The following HECW1 variants were observed in gnomAD, a reference collection of about 807,000 sequenced individuals.
HECW1 encodes E3 ubiquitin-protein ligase HECW1.
In HECW1, 61 loss-of-function variants were observed where a neutral mutation model predicts 182.3. The observed-to-expected ratio is 0.33, with a 90% CI of 0.27 to 0.41. HECW1 has a LOEUF of 0.41. Ranked by LOEUF, HECW1 falls within the 10% of genes least tolerant of loss-of-function variation. The pLI is 1.00. For missense variants in HECW1, 1,739 were observed against 2,108.9 expected (o/e 0.82, Z 3.44); for synonymous variants, 859 against 832.6 (o/e 1.03, Z -0.55).
intron 8 of HECW1, among the ~76,000 whole-genome samples, chr7:43,430,030 C>A (rs186683303): frequency 4.0e-4 from 61 of 152,330 alleles, no homozygotes; most frequent in African/African-American, 1.4e-3. Flanking sequence ...CTTAACACAA[C>A]CCAAATCAAA....
chr7:43,332,444 A>G (rs1224603045), intron 5 of HECW1, among the ~76,000 whole-genome samples: 1 of 152,196 alleles, frequency 6.6e-6, no homozygotes, highest in Non-Finnish European at 1.5e-5. Flanking sequence ...CTTGCTCTAA[A>G]GGCCTGTTGC....
At chr7:43,490,148 G>C (rs2078874627) in intron 17 of HECW1, among the ~76,000 whole-genome samples, 1 of 152,270 alleles carries the variant, frequency 6.6e-6, no homozygotes, top group East Asian at 1.9e-4. Context: ...AGCCTAATTT[G>C]GGAGTATACT....
intron 4 of HECW1, among the ~76,000 whole-genome samples, chr7:43,318,244 G>T (rs1244277067): frequency 6.6e-6 from 1 of 152,176 alleles, no homozygotes; most frequent in Non-Finnish European, 1.5e-5. Flanking sequence ...CTATAATGAG[G>T]CAAATTTCTA....
chr7:43,395,839 T>G (rs56714559), intron 6 of HECW1, among the ~76,000 whole-genome samples: 2,212 of 152,312 alleles, frequency 0.015, 47 homozygotes, highest in African/African-American at 0.049. Flanking sequence ...TCAGGCAGGT[T>G]GATGTGAATA....
chr7:43,200,250 C>T (rs1476284920), intron 2 of HECW1, among the ~76,000 whole-genome samples: 1 of 152,104 alleles, frequency 6.6e-6, no homozygotes, highest in Admixed American at 6.5e-5. Flanking sequence ...TTAGAGGTAC[C>T]TTCTATAATT....
At chr7:43,344,491 A>G (rs1000633222) in intron 5 of HECW1, among the ~76,000 whole-genome samples, 4 of 149,448 alleles carry the variant, frequency 2.7e-5, no homozygotes, top group Non-Finnish European at 5.9e-5. Flanking sequence ...TTTTTCCTTC[A>G]TTGGATGATG....
intron 2 of HECW1, among the ~76,000 whole-genome samples, chr7:43,237,831 TTCC>T (rs1182872080): frequency 2.9e-5 from 4 of 139,710 alleles, no homozygotes; most frequent in South Asian, 4.4e-4. Context: ...TCACCAGTCT[TTCC>T]CCCCCGCCGC....
chr7:43,488,462 AAGAAAGAAAGAAAGAAAG>A (rs2078785999), intron 17 of HECW1, among the ~76,000 whole-genome samples: 1 of 150,314 alleles, frequency 6.7e-6, no homozygotes, highest in East Asian at 1.9e-4. Context: ...GAAAGAAAGA[AAGAAAGAAAGAAAGAAAG>A]AAAGAAAGAG....
chr7:43,549,322 C>T (rs567259147), intron 26 of HECW1, among the ~76,000 whole-genome samples: 178 of 152,344 alleles, frequency 1.2e-3, no homozygotes, highest in Non-Finnish European at 2.1e-3. Flanking sequence ...ATAATTGGCA[C>T]TAATCACCTA....
chr7:43,364,353 T>C (rs1326295691), intron 6 of HECW1, among the ~76,000 whole-genome samples: 2 of 152,246 alleles, frequency 1.3e-5, no homozygotes, highest in African/African-American at 4.8e-5. Flanking sequence ...CTTGTCTTTC[T>C]GGGGCTCTCA....
chr7:43,430,120 T>C (rs1385816484), intron 8 of HECW1, among the ~76,000 whole-genome samples: 9 of 152,258 alleles, frequency 5.9e-5, no homozygotes, highest in Non-Finnish European at 1.3e-4. Flanking sequence ...TGAATCACTA[T>C]ACCTCTGTTC....
intron 2 of HECW1, among the ~76,000 whole-genome samples, chr7:43,237,841 CCG>C (rs1562716153): frequency 4.2e-5 from 6 of 143,082 alleles, no homozygotes; most frequent in Admixed American, 2.7e-4. Flanking sequence ...TTCCCCCCCG[CCG>C]CCCCCACTTG....
chr7:43,116,779 T>G (rs534143518), intron 2 of HECW1, among the ~76,000 whole-genome samples: 1 of 152,222 alleles, frequency 6.6e-6, no homozygotes, highest in East Asian at 1.9e-4. Flanking sequence ...AAATGCTCTG[T>G]GGGGTTTTCT....
At chr7:43,518,941 G>A (rs898930396) in intron 24 of HECW1, among the ~76,000 whole-genome samples, 23 of 152,080 alleles carry the variant, frequency 1.5e-4, no homozygotes, top group African/African-American at 5.6e-4. Context: ...TAGCCTTTCA[G>A]GGGGGAATGC....
intron 2 of HECW1, among the ~76,000 whole-genome samples, chr7:43,192,873 C>T (rs750642622): frequency 1.3e-5 from 2 of 152,140 alleles, no homozygotes; most frequent in African/African-American, 2.4e-5. Flanking sequence ...CTTCAAGAGC[C>T]GGCTCACAGG....
In HECW1 at chr7:43,180,782, A is replaced by C. The variant is rs56251607; in HGVS notation, c.-31-63093A>C. 8.3e-3 allele frequency among the ~76,000 whole-genome samples: 1,260 copies of C among 152,362 alleles called. 5 individuals carry two copies. The highest frequency in any genetic ancestry group is 0.013 in the Non-Finnish European group (911 of 68,034). ...GTCTCAGTACATGTGCACATTGTTT[A>C]ATGAACAAATCAGGGTAATTAGCAA... On this transcript the variant is annotated intron_variant, in intron 2 of 29. Coordinates refer to ENST00000395891, the MANE Select transcript of HECW1 (RefSeq NM_015052.5).
intron 5 of HECW1, among the ~76,000 whole-genome samples, chr7:43,349,265 C>G (rs1814089265): frequency 6.6e-6 from 1 of 152,168 alleles, no homozygotes; most frequent in Admixed American, 6.5e-5. Context: ...AACTCCTGAC[C>G]TCAAGTCATC....
In HECW1 at chr7:43,311,957, C is replaced by T; in HGVS notation, c.222C>T (p.Thr74=). 6.2e-7 allele frequency: 1 copy of T among 1,614,224 alleles called. No homozygotes were observed. Among genetic ancestry groups the T allele is most frequent in the Non-Finnish European group, 8.5e-7 (1 of 1,180,038 alleles). Residue 74 remains threonine, a synonymous_variant, in exon 4 of 30, where the codon ACC becomes ACT. Transcript: ENST00000395891. ...CCACCAGCGACACTGACCTGGTCAC[C>T]TCGGACAGCCGCTCCACGCTCATGG... The part of the protein sequence containing the change: ...PRSTSDTDLV[T]SDSRSTLMVS...
chr7:43,489,145 G>A (rs1386080209), intron 17 of HECW1, among the ~76,000 whole-genome samples: 1 of 152,160 alleles, frequency 6.6e-6, no homozygotes, highest in Non-Finnish European at 1.5e-5. Context: ...CCTGAGTCCA[G>A]TGCACAGCCA....
Sources: allele counts gnomAD v4.1 joint callset (sites outside exome capture counted in the v4.1 genomes callset), GRCh38; gene constraint gnomAD v4.1.1; transcripts MANE v1.5; gene names NCBI Gene and HGNC (gene_info 2026-07-23, HGNC 2026-07-21).